BTBD8: variants seen among roughly 807,000 people sequenced by gnomAD.
BTBD8 encodes BTB/POZ domain-containing protein 8.
Under a neutral mutation model 162.9 loss-of-function variants are expected in BTBD8, and 110 were observed. That is an observed-to-expected ratio of 0.68 (90% CI 0.58 to 0.79). The LOEUF (loss-of-function observed/expected upper bound fraction) is 0.79. BTBD8 is among the 30% of genes least tolerant of loss of function. The pLI is 0.00. For missense variants in BTBD8, 1,905 were observed against 2,085.4 expected (o/e 0.91, Z 1.68); for synonymous variants, 667 against 716.1 (o/e 0.93, Z 1.10).
chr1:92,099,839 C>T (rs1319917749), intron 2 of BTBD8, among the ~76,000 whole-genome samples: 3 of 152,102 alleles, frequency 2.0e-5, no homozygotes, highest in Non-Finnish European at 2.9e-5. Flanking sequence ...TATTTCTTTA[C>T]CGTGTAGATG....
At position 92,152,574 on chromosome 1, in the gene BTBD8, T is replaced by C. The variant is rs141119668; in HGVS notation, c.1122+4788T>C. Among the ~76,000 whole-genome samples the C allele has an allele frequency of 4.6e-5, 7 of 152,200 alleles. No homozygotes were observed. In the East Asian group the frequency reaches 1.4e-3, roughly 29 times the overall value. ...ACTAGGCAGTGTCAGTATTCTGCTG[T>C]AACTGGAATGAGAGAAGATGAGTCT... On this transcript the variant is annotated intron_variant, in intron 9 of 17. Coordinates refer to ENST00000636805, the MANE Select transcript of BTBD8 (RefSeq NM_001376131.1).
intron 9 of BTBD8, among the ~76,000 whole-genome samples, chr1:92,161,594 A>G (rs1650275946): frequency 6.6e-6 from 1 of 152,220 alleles, no homozygotes; most frequent in African/African-American, 2.4e-5. Context: ...AAGTACAGAT[A>G]CCTCTTAATT....
Position 92,107,938 on chromosome 1 carries a change from A to G in BTBD8, c.599A>G (p.Tyr200Cys). 1 of 1,614,156 alleles carries G rather than the reference A, an allele frequency of 6.2e-7. No individual in the cohort carries two copies. Among genetic ancestry groups the G allele is most frequent in the Non-Finnish European group, 8.5e-7 (1 of 1,180,016 alleles). ...SELGEDLLKL[Y>C]VKPCCPDIDI... Reference sequence around the variant, plus strand: ...TTAGGAGAAGATTTATTGAAGCTTTATGTGAAACCTTGTTGCCCAGATATT... The same window carrying G: ...TTAGGAGAAGATTTATTGAAGCTTTGTGTGAAACCTTGTTGCCCAGATATT... The change falls in exon 4 of 18, where the codon TAT becomes TGT. Residue 200 changes from tyrosine (Y) to cysteine (C), a missense_variant. By Grantham distance (194) the Tyr-to-Cys change is radical. Around this residue, in one of 3 missense-constraint regions of BTBD8, gnomAD observed 1,374 missense variants for 1,442.7 expected, o/e 0.95. Transcript: ENST00000636805.
At chr1:92,155,091 T>C (rs1650130962) in intron 9 of BTBD8, among the ~76,000 whole-genome samples, 1 of 152,210 alleles carries the variant, frequency 6.6e-6, no homozygotes, top group South Asian at 2.1e-4. Flanking sequence ...ATTTCTGGGC[T>C]CTCTGTTCTG....
chr1:92,109,841 G>T (rs1256633390), intron 4 of BTBD8, among the ~76,000 whole-genome samples: 1 of 152,088 alleles, frequency 6.6e-6, no homozygotes, highest in Non-Finnish European at 1.5e-5. Flanking sequence ...TCTTCTAGTG[G>T]TGTGGCTAAA....
chr1:92,167,537 A>G (rs1325565993), intron 10 of BTBD8, among the ~76,000 whole-genome samples: 1 of 152,194 alleles, frequency 6.6e-6, no homozygotes, highest in Admixed American at 6.5e-5. Context: ...CCTATTGTTT[A>G]TTTCTAGGTT....
At chr1:92,126,909 G>T (rs1036791419) in intron 4 of BTBD8, among the ~76,000 whole-genome samples, 2 of 152,084 alleles carry the variant, frequency 1.3e-5, no homozygotes, top group Non-Finnish European at 2.9e-5. Context: ...AAGCTTTAAG[G>T]ATTAGGAAAA....
chr1:92,129,886 C>T (rs1043698272), intron 5 of BTBD8, 110 bp downstream of exon 5: 1 of 924,304 alleles, frequency 1.1e-6, no homozygotes, highest in South Asian at 1.4e-5. Flanking sequence ...AAATATTTCT[C>T]ATGTAGAATT....
chr1:92,180,751 A>G lies in BTBD8; in HGVS notation c.3068A>G (p.Lys1023Arg), dbSNP rs1221061718. ...CCATTAAACGATCAAGAAAAAGAGAAGTTGGCGTTAGAATGCCAAAATATT... is the reference window on the plus strand; with the variant it reads ...CCATTAAACGATCAAGAAAAAGAGAGGTTGGCGTTAGAATGCCAAAATATT... ...QKPLNDQEKEKLALECQNISK... is the reference protein window; with the variant it reads ...QKPLNDQEKERLALECQNISK... Residue 1023 changes from lysine to arginine, a missense_variant, in exon 17 of 18, where the codon AAG (lysine) becomes AGG (arginine). Coordinates refer to ENST00000636805, the MANE Select transcript of BTBD8 (RefSeq NM_001376131.1). 5.2e-6 allele frequency: 8 copies of G among 1,551,788 alleles called. No homozygotes were observed. In the East Asian group the frequency reaches 2.0e-4, roughly 38 times the overall value.
Position 92,182,430 on chromosome 1 carries a change from C to T in BTBD8, c.4747C>T (p.Pro1583Ser). ...TAGTGATGTAAAATCTCAAGAAAGACCATGTCACTTGGATCTTCATCAAAG... is the reference window on the plus strand; with the variant it reads ...TAGTGATGTAAAATCTCAAGAAAGATCATGTCACTTGGATCTTCATCAAAG... ...LDSDVKSQER[P>S]CHLDLHQREP... is the part of the protein sequence containing the mutation. Residue 1583 changes from proline (P) to serine (S), a missense_variant, in exon 17 of 18, where the codon CCA becomes TCA. Pro to Ser is a moderately conservative substitution (Grantham distance 74, BLOSUM62 -1). This residue lies in a region of BTBD8 where 517 missense variants were observed against 606.6 expected (regional missense o/e 0.85). Coordinates refer to ENST00000636805, the MANE Select transcript of BTBD8 (RefSeq NM_001376131.1). The T allele has an allele frequency of 6.4e-7, 1 of 1,551,194 alleles. No homozygotes were observed. Among genetic ancestry groups the T allele is most frequent in the South Asian group, 1.2e-5 (1 of 83,864 alleles).
chr1:92,181,559 G>A lies in BTBD8; in HGVS notation c.3876G>A (p.Leu1292=), dbSNP rs1650908570. ...GTATCTCTAAATGTGGCACTATGCTGTGCCATGATTTTCTTGGAAGAAGTA... is the reference window on the plus strand; with the variant it reads ...GTATCTCTAAATGTGGCACTATGCTATGCCATGATTTTCTTGGAAGAAGTA... ...DRGISKCGTM[L]CHDFLGRSSS... Residue 1292 remains leucine, a synonymous_variant, in exon 17 of 18, where the codon CTG becomes CTA. Coordinates refer to ENST00000636805, the MANE Select transcript of BTBD8 (RefSeq NM_001376131.1). The A allele has an allele frequency of 1.9e-6, 3 of 1,551,612 alleles. No homozygotes were observed.
chr1:92,183,808 C>T (rs1650994843), intron 17 of BTBD8, 56 bp from the exon 18 acceptor site: 6 of 927,330 alleles, frequency 6.5e-6, no homozygotes, highest in Non-Finnish European at 9.2e-6. Flanking sequence ...TTCTACAAAA[C>T]TCTGAGGGTA....
chr1:92,134,863 GATTTT>G (rs1182164231), intron 5 of BTBD8, among the ~76,000 whole-genome samples: 2 of 149,884 alleles, frequency 1.3e-5, no homozygotes, highest in Admixed American at 6.7e-5. Flanking sequence ...ATGAAGCAGA[GATTTT>G]ATTTTATTTA....
At chr1:92,168,186 T>C (rs1650433024) in intron 11 of BTBD8, among the ~76,000 whole-genome samples, 1 of 152,232 alleles carries the variant, frequency 6.6e-6, no homozygotes, top group African/African-American at 2.4e-5. Flanking sequence ...CAAATGGACT[T>C]CTTATAAAAG....
rs1648612411 is a variant in BTBD8, at chr1:92,102,406, A to G, written c.348-67A>G. 6.0e-6 allele frequency: 7 copies of G among 1,165,128 alleles called. No homozygotes were observed. The South Asian group carries it at 1.8e-4, about 29-fold the overall frequency. 72.2% of individuals were successfully genotyped at this position (1,165,128 alleles called of 1,614,324 possible). A position where few individuals can be genotyped will look rare whatever the true frequency, so the allele number is the denominator to read the frequency against. On this transcript the variant is annotated intron_variant, in intron 2 of 17. Coordinates refer to ENST00000636805, the MANE Select transcript of BTBD8 (RefSeq NM_001376131.1). ...TATATGAAAGTAGCACACTAAGGAA[A>G]CTAGCATTCTTTCTTTTTAAGAATC...
intron 9 of BTBD8, among the ~76,000 whole-genome samples, chr1:92,163,992 C>T (rs1270331825): frequency 6.6e-6 from 1 of 152,226 alleles, no homozygotes; most frequent in African/African-American, 2.4e-5. Context: ...TATTTAAATA[C>T]CTTACATTTG....
intron 5 of BTBD8, among the ~76,000 whole-genome samples, chr1:92,130,571 T>C (rs941957095): frequency 2.1e-5 from 3 of 144,860 alleles, no homozygotes; most frequent in South Asian, 2.2e-4. Context: ...CACACACATA[T>C]ACGCACACAC....
In BTBD8 at chr1:92,180,253, T is replaced by TA. The variant is rs1650841685; in HGVS notation, c.2582-11dup. The TA allele has an allele frequency of 6.6e-6, 10 of 1,516,394 alleles. No homozygotes were observed. The East Asian group carries it at 2.5e-4, about 37-fold the overall frequency. 93.9% of individuals were successfully genotyped at this position (1,516,394 alleles called of 1,614,324 possible). On this transcript the variant is annotated splice_polypyrimidine_tract_variant and intron_variant, in intron 16 of 17. Transcript: ENST00000636805. ...TATTACATTACTGAATATACCCTCT[T>TA]ACTTTTCTTAGGATCCCAAGGAGAG...
intron 9 of BTBD8, among the ~76,000 whole-genome samples, chr1:92,157,467 A>AT (rs1215532457): frequency 6.6e-6 from 1 of 151,892 alleles, no homozygotes; most frequent in Admixed American, 6.6e-5. Flanking sequence ...TTCTCCATTG[A>AT]TTTTCTGTCT....
Sources: allele counts gnomAD v4.1 joint callset (sites outside exome capture counted in the v4.1 genomes callset), GRCh38; gene constraint gnomAD v4.1.1; regional missense constraint gnomAD v4.1.1; transcripts MANE v1.5; gene names NCBI Gene and HGNC (gene_info 2026-07-23, HGNC 2026-07-21).